DIS3L2: variants seen among roughly 807,000 people sequenced by gnomAD.
DIS3L2 encodes the protein DIS3 like 3'-5' exoribonuclease 2, also known as DIS3-like exonuclease 2.
Under a neutral mutation model 97.5 loss-of-function variants are expected in DIS3L2, and 34 were observed. The observed-to-expected ratio is 0.35, with a 90% CI of 0.27 to 0.46. The LOEUF is 0.46. DIS3L2 is among the 20% of genes least tolerant of loss of function. The pLI is 1.00. For synonymous variants in DIS3L2, 435 were observed against 445.2 expected (o/e 0.98, Z 0.29); for missense variants, 1,038 against 1,146.0 (o/e 0.91, Z 1.36).
chr2:232,080,552 A>G (rs1696356580), intron 5 of DIS3L2, among the ~76,000 whole-genome samples: 1 of 152,044 alleles, frequency 6.6e-6, no homozygotes, highest in Non-Finnish European at 1.5e-5. Flanking sequence ...TCTAATCACT[A>G]TTTACATTTC....
chr2:232,245,494 G>T (rs1693223712), intron 11 of DIS3L2, among the ~76,000 whole-genome samples: 1 of 152,190 alleles, frequency 6.6e-6, no homozygotes, highest in Non-Finnish European at 1.5e-5. Context: ...CCACAAATGT[G>T]ATTGTAACCT....
intron 1 of DIS3L2, among the ~76,000 whole-genome samples, chr2:232,011,726 T>C (rs1210169473): frequency 1.3e-5 from 2 of 152,114 alleles, no homozygotes; most frequent in Non-Finnish European, 2.9e-5. Context: ...CTCGGCTCAC[T>C]GCTACCTCTG....
intron 1 of DIS3L2, among the ~76,000 whole-genome samples, chr2:231,964,374 G>A (rs1180896353): frequency 2.0e-5 from 3 of 152,236 alleles, no homozygotes; most frequent in African/African-American, 4.8e-5. Flanking sequence ...AAATCTTCCC[G>A]GGACTGACTA....
chr2:232,117,612 C>T (rs1382708888), intron 6 of DIS3L2, among the ~76,000 whole-genome samples: 1 of 152,160 alleles, frequency 6.6e-6, no homozygotes, highest in Admixed American at 6.5e-5. Context: ...CTCTGGCTCC[C>T]CTTGCCCACC....
intron 14 of DIS3L2, among the ~76,000 whole-genome samples, chr2:232,316,634 G>GCAA (rs1695283698): frequency 6.6e-6 from 1 of 152,058 alleles, no homozygotes; most frequent in South Asian, 2.1e-4. Context: ...GGCACACTTG[G>GCAA]GTTCCCGGCC....
chr2:232,124,477 T>C lies in DIS3L2; in HGVS notation c.602-6142T>C, dbSNP rs535003077. ...GTCAGTGGATAGATTTAACAGCAGA[T>C]TGGATAAAGTGGAAGAGAAAGTTAA... On this transcript the variant is annotated intron_variant, in intron 6 of 20. Transcript: ENST00000325385. Among the ~76,000 whole-genome samples the C allele has an allele frequency of 9.4e-4, 143 of 152,210 alleles. 1 individual carries two copies. The Middle Eastern group carries it at 0.02, about 22-fold the overall frequency.
intron 8 of DIS3L2, among the ~76,000 whole-genome samples, chr2:232,146,169 G>C (rs1690212591): frequency 6.6e-6 from 1 of 152,136 alleles, no homozygotes; most frequent in Non-Finnish European, 1.5e-5. Context: ...GCCTAAGGAA[G>C]GGCCATTTAT....
At chr2:232,258,445 A>T (rs1011796341) in intron 12 of DIS3L2, among the ~76,000 whole-genome samples, 1 of 152,004 alleles carries the variant, frequency 6.6e-6, no homozygotes, top group Non-Finnish European at 1.5e-5. Flanking sequence ...TGAGCCGGGC[A>T]TGGTGGCATG....
chr2:232,321,662 TCA>T (rs1695440306), intron 14 of DIS3L2, among the ~76,000 whole-genome samples: 1 of 152,138 alleles, frequency 6.6e-6, no homozygotes, highest in Non-Finnish European at 1.5e-5. Context: ...CCTGGGCGAC[TCA>T]GACAGGAAAG....
intron 15 of DIS3L2, 61 bp from the exon 16 acceptor site, chr2:232,330,629 G>C: frequency 6.4e-7 from 1 of 1,558,482 alleles, no homozygotes; most frequent in Non-Finnish European, 8.8e-7. Context: ...GGATGACAGG[G>C]CCCAGAGTCT....
At chr2:232,123,650 C>T (rs1385249054) in intron 6 of DIS3L2, among the ~76,000 whole-genome samples, 1 of 152,074 alleles carries the variant, frequency 6.6e-6, no homozygotes, top group African/African-American at 2.4e-5. Context: ...AAACCAAAGG[C>T]AGATACACCC....
At position 232,086,166 on chromosome 2, in the gene DIS3L2, T is replaced by C. The variant is rs1393061288; in HGVS notation, c.367-1321T>C. On this transcript the variant is annotated intron_variant, in intron 5 of 20. Coordinates refer to ENST00000325385, the MANE Select transcript of DIS3L2 (RefSeq NM_152383.5). ...TGTCCATCAGTGTGTGTGTGCTTTA[T>C]ACGTATATACGTATATATACACACG... is the stretch of plus-strand genomic sequence containing the variant. Among the ~76,000 whole-genome samples the C allele has an allele frequency of 4.7e-5, 7 of 147,574 alleles. No homozygotes were observed. In the East Asian group the frequency reaches 1.4e-3, roughly 29 times the overall value.
chr2:232,212,401 T>A (rs1449930984), intron 10 of DIS3L2, among the ~76,000 whole-genome samples: 4 of 152,240 alleles, frequency 2.6e-5, no homozygotes, highest in Non-Finnish European at 5.9e-5. Flanking sequence ...CGGATACATC[T>A]ACTACCTGTT....
At chr2:232,270,409 T>C (rs1327943435) in intron 13 of DIS3L2, among the ~76,000 whole-genome samples, 1 of 152,350 alleles carries the variant, frequency 6.6e-6, no homozygotes, top group Non-Finnish European at 1.5e-5. Context: ...ATAGTTTTTA[T>C]TTATATTCTG....
chr2:232,333,499 TG>T (rs1370872682), intron 16 of DIS3L2, among the ~76,000 whole-genome samples: 1 of 152,140 alleles, frequency 6.6e-6, no homozygotes, highest in African/African-American at 2.4e-5. Context: ...GACAGCATCC[TG>T]GGGGTTCCTG....
chr2:232,015,581 G>A lies in DIS3L2; in HGVS notation c.120G>A (p.Arg40=), dbSNP rs1191453850. Residue 40 remains arginine, a synonymous_variant, in exon 3 of 21, where the codon AGG becomes AGA. Coordinates refer to ENST00000325385, the MANE Select transcript of DIS3L2 (RefSeq NM_152383.5). ...ASPGDKKSKN[R]STRGKKKSIF... is the part of the protein sequence containing the mutation. ...CAGGTGACAAAAAGTCAAAGAACAG[G>A]TCCACACGAGGGAAGAAAAAGAGCA... The A allele has an allele frequency of 2.5e-6, 4 of 1,613,936 alleles. No homozygotes were observed. In the African/African-American group the frequency reaches 5.3e-5, roughly 22 times the overall value.
In DIS3L2 at chr2:232,334,637, G is replaced by T. The variant is rs769064390; in HGVS notation, c.2296G>T (p.Gly766Cys). ...TGCAGCACTGTCCCTGCAGGAGAGT[G>T]GCCCCCTGGAGTCAGAAGCCATGGT... ...LFFAVLVKES[G>C]PLESEAMVMG... The change falls in exon 19 of 21, where the codon GGC (glycine) becomes TGC (cysteine). Residue 766 changes from glycine (G) to cysteine (C), a missense_variant. Around this residue, in one of 3 missense-constraint regions of DIS3L2, gnomAD observed 221 missense variants for 246.9 expected, o/e 0.90. Transcript: ENST00000325385. The T allele has an allele frequency of 6.2e-7, 1 of 1,607,674 alleles. No individual in the cohort carries two copies. Among genetic ancestry groups the T allele is most frequent in the Admixed American group, 1.7e-5 (1 of 59,424 alleles).
At chr2:232,305,221 G>A (rs1055656422) in intron 14 of DIS3L2, among the ~76,000 whole-genome samples, 7 of 151,998 alleles carry the variant, frequency 4.6e-5, no homozygotes, top group South Asian at 2.1e-4. Flanking sequence ...GATTACAGGC[G>A]CGCACCACCA....
rs67570957 is a variant in DIS3L2, at chr2:232,116,833, GAACAACAAC to G, written c.602-13771_602-13763del. Among the ~76,000 whole-genome samples the G allele has an allele frequency of 3.5e-3, 532 of 151,362 alleles. 3 individuals are homozygous for G. Among genetic ancestry groups the G allele is most frequent in the Non-Finnish European group, 5.0e-3 (339 of 67,800 alleles). ...AAAACAAACAAAAAACAAACAAAAA[GAACAACAAC>G]AACAACAACAACAAAAACCCCACCC... is the stretch of plus-strand genomic sequence containing the variant. On this transcript the variant is annotated intron_variant, in intron 6 of 20. Coordinates refer to ENST00000325385, the MANE Select transcript of DIS3L2 (RefSeq NM_152383.5).
Sources: allele counts gnomAD v4.1 joint callset (sites outside exome capture counted in the v4.1 genomes callset), GRCh38; gene constraint gnomAD v4.1.1; regional missense constraint gnomAD v4.1.1; transcripts MANE v1.5; gene names NCBI Gene and HGNC (gene_info 2026-07-23, HGNC 2026-07-21).